AGTR1: variants seen among roughly 807,000 people sequenced by gnomAD.
AGTR1 encodes the protein angiotensin II receptor type 1, also known as type-1 angiotensin II receptor.
Under a neutral mutation model 19.4 loss-of-function variants are expected in AGTR1, and 16 were observed. The ratio of observed to expected loss-of-function variants is 0.82; its 90% CI spans 0.56 to 1.25. AGTR1 has a LOEUF of 1.25. Ranked by LOEUF, AGTR1 falls within the 50% of genes most tolerant of loss-of-function variation. The probability of loss-of-function intolerance (pLI) is 0.00; values close to 1 mark genes in which losing one functional copy is unlikely to be tolerated. For synonymous variants in AGTR1, 153 were observed against 154.9 expected (o/e 0.99, Z 0.09); for missense variants, 373 against 431.9 (o/e 0.86, Z 1.21).
In AGTR1 at chr3:148,741,450, C is replaced by T. The variant is rs1417391173; in HGVS notation, c.415C>T (p.Arg139Ter). ...AIVHPMKSRL[R>*]RTMLVAKVTC... ...TGTTCACCCAATGAAGTCCCGCCTT[C>T]GACGCACAATGCTTGTAGCCAAAGT... Residue 139 changes from arginine (R) to a stop codon, truncating the protein, a stop_gained, in exon 3 of 3, where the codon CGA becomes TGA. Coordinates refer to ENST00000349243, the MANE Select transcript of AGTR1 (RefSeq NM_000685.5). LOFTEE classifies it high-confidence loss of function. 2 of 1,610,102 alleles carry T rather than the reference C, an allele frequency of 1.2e-6. No individual in the cohort carries two copies. Among genetic ancestry groups the T allele is most frequent in the South Asian group, 1.1e-5 (1 of 91,070 alleles).
intron 1 of AGTR1, among the ~76,000 whole-genome samples, chr3:148,702,030 T>G (rs1191564969): frequency 6.7e-6 from 1 of 150,106 alleles, no homozygotes; most frequent in Non-Finnish European, 1.5e-5. Flanking sequence ...CAGGCTGGCG[T>G]GCAGTGGCAT....
chr3:148,700,021 C>G (rs1288811692), intron 1 of AGTR1, among the ~76,000 whole-genome samples: 1 of 152,220 alleles, frequency 6.6e-6, no homozygotes, highest in Non-Finnish European at 1.5e-5. Context: ...TGCGGCAATG[C>G]TGCTGTCCCA....
intron 2 of AGTR1, among the ~76,000 whole-genome samples, chr3:148,736,316 C>T (rs1199564970): frequency 6.6e-6 from 1 of 152,176 alleles, no homozygotes; most frequent in Non-Finnish European, 1.5e-5. Context: ...CCACCTCACT[C>T]ATGGCAAATT....
rs1576538586 is a variant in AGTR1, at chr3:148,735,114, T to G, written c.-47-5875T>G. Among the ~76,000 whole-genome samples, 4 of 152,234 alleles carry G rather than the reference T, an allele frequency of 2.6e-5. No homozygotes were observed. The East Asian group carries it at 7.7e-4, about 29-fold the overall frequency. ...TTGGCAGTGTGAAAGTCAGGACCAGTAGGCACATATACTGAAGGCAATTTA... is the reference window on the plus strand; with the variant it reads ...TTGGCAGTGTGAAAGTCAGGACCAGGAGGCACATATACTGAAGGCAATTTA... On this transcript the variant is annotated intron_variant, in intron 2 of 2. Transcript: ENST00000349243.
At chr3:148,718,488 T>C (rs568775628) in intron 2 of AGTR1, among the ~76,000 whole-genome samples, 1 of 152,246 alleles carries the variant, frequency 6.6e-6, no homozygotes, top group Non-Finnish European at 1.5e-5. Flanking sequence ...CCAAATGGAC[T>C]ACTCTAGTGA....
intron 2 of AGTR1, among the ~76,000 whole-genome samples, chr3:148,739,130 G>T (rs1322882030): frequency 6.6e-6 from 1 of 152,176 alleles, no homozygotes; most frequent in Non-Finnish European, 1.5e-5. Flanking sequence ...AGGCCAAGGC[G>T]GGTGGATCAC....
intron 2 of AGTR1, among the ~76,000 whole-genome samples, chr3:148,714,724 G>A (rs1713192305): frequency 6.6e-6 from 1 of 152,078 alleles, no homozygotes; most frequent in African/African-American, 2.4e-5. Flanking sequence ...CTGGTTCTGT[G>A]GCAATGACTC....
intron 2 of AGTR1, among the ~76,000 whole-genome samples, chr3:148,737,902 A>C (rs1369704747): frequency 6.6e-6 from 1 of 152,210 alleles, no homozygotes; most frequent in African/African-American, 2.4e-5. Flanking sequence ...CTAGCTGTTC[A>C]AAGCTACCTT....
At chr3:148,737,841 G>A (rs1036120767) in intron 2 of AGTR1, among the ~76,000 whole-genome samples, 14 of 152,012 alleles carry the variant, frequency 9.2e-5, no homozygotes, top group African/African-American at 2.7e-4. Flanking sequence ...TCTTTCAAGC[G>A]AATTCTCATT....
intron 2 of AGTR1, among the ~76,000 whole-genome samples, chr3:148,730,920 C>G (rs1714219110): frequency 6.6e-6 from 1 of 152,076 alleles, no homozygotes; most frequent in Non-Finnish European, 1.5e-5. Flanking sequence ...AGCAGCCAGC[C>G]CCAGTGTGAT....
chr3:148,737,001 A>G (rs1302997650), intron 2 of AGTR1, among the ~76,000 whole-genome samples: 3 of 152,112 alleles, frequency 2.0e-5, no homozygotes, highest in South Asian at 4.2e-4. Flanking sequence ...TTCTCACCAA[A>G]CCAGCATCCG....
intron 2 of AGTR1, among the ~76,000 whole-genome samples, chr3:148,720,032 A>G (rs1246726866): frequency 6.6e-6 from 1 of 152,226 alleles, no homozygotes; most frequent in Non-Finnish European, 1.5e-5. Flanking sequence ...TGAGAAGTTG[A>G]TCTCACATTT....
chr3:148,741,383 G>C lies in AGTR1; in HGVS notation c.348G>C (p.Val116=), dbSNP rs1714874095. 1 of 1,603,404 alleles carries C rather than the reference G, an allele frequency of 6.2e-7. No individual in the cohort carries two copies. Among genetic ancestry groups the C allele is most frequent in the Non-Finnish European group, 8.5e-7 (1 of 1,178,382 alleles). ...ASVSFNLYAS[V]FLLTCLSIDR... ...TCAGTTTCAACCTGTACGCTAGTGT[G>C]TTTCTACTCACGTGTCTCAGCATTG... is the stretch of plus-strand genomic sequence containing the variant. Residue 116 remains valine, a synonymous_variant, in exon 3 of 3, where the codon GTG becomes GTC. Coordinates refer to ENST00000349243, the MANE Select transcript of AGTR1 (RefSeq NM_000685.5).
chr3:148,706,500 C>G (rs967823759), intron 1 of AGTR1, among the ~76,000 whole-genome samples: 1 of 151,874 alleles, frequency 6.6e-6, no homozygotes, highest in Non-Finnish European at 1.5e-5. Context: ...ATTAAAAATA[C>G]TGATGAATTT....
chr3:148,726,431 G>A (rs914538469), intron 2 of AGTR1, among the ~76,000 whole-genome samples: 8 of 151,942 alleles, frequency 5.3e-5, no homozygotes, highest in African/African-American at 1.5e-4. Flanking sequence ...CTGGTCTCGA[G>A]CTCCTGACCT....
At chr3:148,739,041 C>A (rs894071911) in intron 2 of AGTR1, among the ~76,000 whole-genome samples, 4 of 152,142 alleles carry the variant, frequency 2.6e-5, no homozygotes, top group Non-Finnish European at 5.9e-5. Flanking sequence ...GTGGAGAAGA[C>A]AGATATGTCA....
intron 1 of AGTR1, among the ~76,000 whole-genome samples, chr3:148,707,541 A>T (rs968158075): frequency 1.3e-5 from 2 of 152,232 alleles, no homozygotes; most frequent in African/African-American, 4.8e-5. Flanking sequence ...TATACTAAGT[A>T]ATAGAATCAT....
At chr3:148,731,690 G>T (rs189138682) in intron 2 of AGTR1, among the ~76,000 whole-genome samples, 1 of 152,344 alleles carries the variant, frequency 6.6e-6, no homozygotes, top group African/African-American at 2.4e-5. Flanking sequence ...CAAAGTGAAA[G>T]ATTAAATTGC....
At chr3:148,736,955 G>T (rs1714599880) in intron 2 of AGTR1, among the ~76,000 whole-genome samples, 1 of 152,124 alleles carries the variant, frequency 6.6e-6, no homozygotes, top group Non-Finnish European at 1.5e-5. Flanking sequence ...CACAAATCTG[G>T]CTTTTCTAGT....
Sources: gnomAD v4.1 joint callset for allele counts (sites outside exome capture counted in the v4.1 genomes callset) on GRCh38, gnomAD v4.1.1 for gene constraint, MANE v1.5 for transcripts, NCBI Gene and HGNC (gene_info 2026-07-23, HGNC 2026-07-21) for gene names.